MYH8: variants seen among roughly 807,000 people sequenced by gnomAD.
The protein encoded by MYH8 is myosin heavy chain 8.
Under a neutral mutation model 233.2 loss-of-function variants are expected in MYH8, and 168 were observed. That is an observed-to-expected ratio of 0.72 (90% CI 0.64 to 0.82). MYH8 has a LOEUF of 0.82. Ranked by LOEUF, MYH8 falls within the 40% of genes least tolerant of loss-of-function variation. The pLI is 0.00. For missense variants in MYH8, 1,995 were observed against 2,327.8 expected, an observed-to-expected ratio of 0.86 and a Z score of 2.94; for synonymous variants, 785 against 850.6, an observed-to-expected ratio of 0.92 and a Z score of 1.34.
At position 10,400,887 on chromosome 17, in the gene MYH8, C is replaced by T; in HGVS notation, c.3327G>A (p.Lys1109=). ...GACTCACCTGCAACTCTTTGATCTT[C>T]TTCTGTAGTTGAATTTCTACAGCTT... The part of the protein sequence containing the change: ...DEQAVEIQLQ[K]KIKELQARIE... The change falls in exon 26 of 40, where the codon AAG becomes AAA. Residue 1109 remains lysine (K), a synonymous_variant. Coordinates refer to ENST00000403437, the MANE Select transcript of MYH8 (RefSeq NM_002472.3). The surrounding 1 kb of genome is among the most constrained non-coding windows in gnomAD (Gnocchi z 4.0). 6.2e-7 allele frequency: 1 copy of T among 1,613,882 alleles called. No homozygotes were observed. The highest frequency in any genetic ancestry group is 8.5e-7 in the Non-Finnish European group (1 of 1,180,034).
Position 10,409,261 on chromosome 17 carries a change from TA to T in MYH8, c.1897+17del. On this transcript the variant is annotated intron_variant, in intron 16 of 39. Transcript: ENST00000403437. ...ATGTGAGAATGGATTTAATTTAGAT[TA>T]AGGACACAGAAAGTACCTGCTTCAG... The T allele has an allele frequency of 1.2e-6, 2 of 1,614,050 alleles. No homozygotes were observed. The highest frequency in any genetic ancestry group is 1.7e-6 in the Non-Finnish European group (2 of 1,179,866).
chr17:10,406,365 T>C lies in MYH8; in HGVS notation c.2204A>G (p.Glu735Gly), dbSNP rs1438643927. The change falls in exon 20 of 40, where the codon GAG (glutamate) becomes GGG (glycine). Residue 735 changes from glutamate to glycine, a missense_variant. Coordinates refer to ENST00000403437, the MANE Select transcript of MYH8 (RefSeq NM_002472.3). ...YKVLNASAIP[E>G]GQFIDSKKAS... Reference sequence around the variant, plus strand: ...CTTCTTGCTGTCAATGAACTGTCCCTCTGGAATAGCACTTGCATTTAAAAC... The same window carrying C: ...CTTCTTGCTGTCAATGAACTGTCCCCCTGGAATAGCACTTGCATTTAAAAC... 6.2e-7 allele frequency: 1 copy of C among 1,614,030 alleles called. No individual in the cohort carries two copies. Among genetic ancestry groups the C allele is most frequent in the South Asian group, 1.1e-5 (1 of 91,072 alleles).
In MYH8 at chr17:10,396,214, T is replaced by A; in HGVS notation, c.4653+116A>T. On this transcript the variant is annotated intron_variant, in intron 33 of 39. Transcript: ENST00000403437. This position sits in a 1 kb window ranked among gnomAD's most constrained non-coding sequence, Gnocchi z 4.2. ...TTACATTTTTAAGGATTTTGATAAC[T>A]ATTGCCAAGTTGTCCTTCATAAAGA... is the stretch of plus-strand genomic sequence containing the variant. 1 of 1,232,104 alleles carries A rather than the reference T, an allele frequency of 8.1e-7. No homozygotes were observed. Among genetic ancestry groups the A allele is most frequent in the East Asian group, 2.5e-5 (1 of 40,698 alleles). The allele number at this position is 1,232,104 out of a possible 1,614,324, so 76.3% of individuals were successfully genotyped here.
Position 10,400,327 on chromosome 17 carries a change from G to C in MYH8, c.3735+63C>G. On this transcript the variant is annotated intron_variant, in intron 27 of 39. Transcript: ENST00000403437. The surrounding 1 kb of genome is among the most constrained non-coding windows in gnomAD (Gnocchi z 4.0). The stretch of plus-strand genomic sequence containing the variant: ...GTAAAATGCCTGCAAACAATGTTTA[G>C]TGATAGAGAATAATGGGTGTTCTTA... 1.3e-6 allele frequency: 2 copies of C among 1,586,342 alleles called. No homozygotes were observed. Among genetic ancestry groups the C allele is most frequent in the South Asian group, 1.1e-5 (1 of 90,708 alleles).
In MYH8 at chr17:10,412,679, G is replaced by C. The variant is rs375333165; in HGVS notation, c.1197C>G (p.Leu399=). Residue 399 remains leucine, a synonymous_variant, in exon 13 of 40, where the codon CTC becomes CTG. Coordinates refer to ENST00000403437, the MANE Select transcript of MYH8 (RefSeq NM_002472.3). ...YLQSLNSADL[L]KALCYPRVKV... is the part of the protein sequence containing the mutation. The stretch of plus-strand genomic sequence containing the variant: ...TGACCCTAGGGTAGCAGAGGGCTTT[G>C]AGTAGGTCTGCAGAGTTCAGACTCT... 2.0e-5 allele frequency: 33 copies of C among 1,614,222 alleles called. No individual in the cohort carries two copies. Among genetic ancestry groups the C allele is most frequent in the Non-Finnish European group, 2.5e-5 (30 of 1,180,030 alleles).
intron 12 of MYH8, 119 bp from the exon 13 acceptor site, chr17:10,412,847 A>T: frequency 9.7e-7 from 1 of 1,034,472 alleles, no homozygotes; most frequent in East Asian, 2.5e-5. Context: ...AATTCTATAA[A>T]AGGCCAAATG....
Position 10,395,077 on chromosome 17 carries a change from A to C in MYH8, c.4962+56T>G. The stretch of plus-strand genomic sequence containing the variant: ...GATCGTTTAACAAGGTGTTTGGGAA[A>C]TGGAAGACAGGTACTTTCCCTGCTT... On this transcript the variant is annotated intron_variant, in intron 34 of 39. Transcript: ENST00000403437. 1.9e-6 allele frequency: 3 copies of C among 1,599,410 alleles called. No homozygotes were observed. In the Admixed American group the frequency reaches 5.0e-5, roughly 27 times the overall value.
chr17:10,390,426 G>T lies in MYH8; in HGVS notation c.*28C>A, dbSNP rs376017515. On this transcript the variant is annotated 3_prime_UTR_variant, in exon 40 of 40. Coordinates refer to ENST00000403437, the MANE Select transcript of MYH8 (RefSeq NM_002472.3). Reference sequence around the variant, plus strand: ...ATAGCACATTTTGTGCCTTTCTTCAGCCTCTTGATAGCATCAGGCAGGTGT... The same window carrying T: ...ATAGCACATTTTGTGCCTTTCTTCATCCTCTTGATAGCATCAGGCAGGTGT... The T allele has an allele frequency of 6.2e-7, 1 of 1,612,564 alleles. No homozygotes were observed. The highest frequency in any genetic ancestry group is 8.5e-7 in the Non-Finnish European group (1 of 1,179,976).
chr17:10,396,235 A>G lies in MYH8; in HGVS notation c.4653+95T>C, dbSNP rs954373649. 4.8e-6 allele frequency: 7 copies of G among 1,446,176 alleles called. No individual in the cohort carries two copies. The African/African-American group carries it at 9.8e-5, about 20-fold the overall frequency. The allele number at this position is 1,446,176 out of a possible 1,614,324, so 89.6% of individuals were successfully genotyped here. ...TAACTATTGCCAAGTTGTCCTTCAT[A>G]AAGATCCTGTGAGTTTAAATTATCA... On this transcript the variant is annotated intron_variant, in intron 33 of 39. Coordinates refer to ENST00000403437, the MANE Select transcript of MYH8 (RefSeq NM_002472.3). The surrounding 1 kb of genome is among the most constrained non-coding windows in gnomAD (Gnocchi z 4.2).
chr17:10,398,804 A>T lies in MYH8; in HGVS notation c.3945T>A (p.Ile1315=), dbSNP rs754040842. The part of the protein sequence containing the change: ...SRSKQASTQQ[I]EELKHQLEEE... ...CCTCTAGTTGATGTTTCAGCTCTTC[A>T]ATCTGCTGAGTAGATGCTTGCTTGC... Residue 1315 remains isoleucine, a synonymous_variant, in exon 29 of 40, where the codon ATT becomes ATA. Transcript: ENST00000403437. 1.9e-6 allele frequency: 3 copies of T among 1,614,100 alleles called. No individual in the cohort carries two copies. The South Asian group carries it at 3.3e-5, about 18-fold the overall frequency.
At position 10,415,234 on chromosome 17, in the gene MYH8, AAAT is replaced by A; in HGVS notation, c.741+55_742-56del. ...TGAAACACAAAGAGAGATGCAAATG[AAAT>A]AATAATTCAGACGTGGCTACTCTGG... On this transcript the variant is annotated intron_variant, in intron 8 of 39. Transcript: ENST00000403437. This position sits in a 1 kb window ranked among gnomAD's most constrained non-coding sequence, Gnocchi z 4.1. 1 of 1,603,406 alleles carries A rather than the reference AAAT, an allele frequency of 6.2e-7. No homozygotes were observed.
At position 10,390,683 on chromosome 17, in the gene MYH8, A is replaced by G. The variant is rs184641963; in HGVS notation, c.5665-80T>C. On this transcript the variant is annotated intron_variant, in intron 39 of 39. Coordinates refer to ENST00000403437, the MANE Select transcript of MYH8 (RefSeq NM_002472.3). ...ATCACCAGACAGGATTAGTTCCTCA[A>G]ATCAGGTATTTCCTTCTTATGGTCT... 2.7e-5 allele frequency: 41 copies of G among 1,500,842 alleles called. No homozygotes were observed. The African/African-American group carries it at 4.5e-4, about 17-fold the overall frequency. The allele number at this position is 1,500,842 out of a possible 1,614,324, so 93.0% of individuals were successfully genotyped here. A position where few individuals can be genotyped will look rare whatever the true frequency, so the allele number is the denominator to read the frequency against.
chr17:10,395,156 T>G lies in MYH8; in HGVS notation c.4939A>C (p.Arg1647=). ...RLAAESLRNY[R]NTQGILKETQ... is the part of the protein sequence containing the mutation. ...ACCTTCAGGATTCCTTGGGTGTTCC[T>G]GTAGTTCCTTAAACTCTCTGCAGCT... Residue 1647 remains arginine, a synonymous_variant, in exon 34 of 40, where the codon AGG becomes CGG. Coordinates refer to ENST00000403437, the MANE Select transcript of MYH8 (RefSeq NM_002472.3). 6.2e-7 allele frequency: 1 copy of G among 1,613,714 alleles called. No individual in the cohort carries two copies. The highest frequency in any genetic ancestry group is 8.5e-7 in the Non-Finnish European group (1 of 1,180,016).
rs544145292 is a variant in MYH8, at chr17:10,395,186, G to T, written c.4909C>A (p.Arg1637Ser). 6.8e-6 allele frequency: 11 copies of T among 1,613,984 alleles called. No homozygotes were observed. The highest frequency in any genetic ancestry group is 9.3e-6 in the Non-Finnish European group (11 of 1,180,036). The change falls in exon 34 of 40, where the codon CGC becomes AGC. Residue 1637 changes from arginine (R) to serine (S), a missense_variant. Coordinates refer to ENST00000403437, the MANE Select transcript of MYH8 (RefSeq NM_002472.3). ...TTCCTTAAACTCTCTGCAGCTAAGC[G>T]ATTGGCATGGTTCAGCTGGATTTCC... ...EMEIQLNHAN[R>S]LAAESLRNYR...
chr17:10,410,362 C>G (rs369077952), intron 15 of MYH8, among the ~76,000 whole-genome samples: 5 of 152,160 alleles, frequency 3.3e-5, no homozygotes, highest in Non-Finnish European at 7.3e-5. Flanking sequence ...AGTTTGACTT[C>G]TTGACTTTGA....
At position 10,415,252 on chromosome 17, in the gene MYH8, G is replaced by C; in HGVS notation, c.741+40C>G. On this transcript the variant is annotated intron_variant, in intron 8 of 39. Coordinates refer to ENST00000403437, the MANE Select transcript of MYH8 (RefSeq NM_002472.3). This position sits in a 1 kb window ranked among gnomAD's most constrained non-coding sequence, Gnocchi z 4.1. ...GCAAATGAAATAATAATTCAGACGT[G>C]GCTACTCTGGAAGTTAGGGGTTGAG... The C allele has an allele frequency of 6.2e-7, 1 of 1,603,374 alleles. No individual in the cohort carries two copies. The highest frequency in any genetic ancestry group is 1.3e-5 in the African/African-American group (1 of 74,762).
At chr17:10,404,682 C>A in intron 21 of MYH8, 97 bp from the exon 22 acceptor site, 2 of 1,414,380 alleles carry the variant, frequency 1.4e-6, no homozygotes, top group Non-Finnish European at 2.0e-6. Context: ...GAATGCCGCT[C>A]ACAAATAAAT....
intron 19 of MYH8, 27 bp from the exon 20 acceptor site, chr17:10,406,424 G>A (rs778602329): frequency 3.7e-6 from 6 of 1,613,494 alleles, no homozygotes; most frequent in African/African-American, 2.7e-5. Flanking sequence ...AGAAAGAATG[G>A]TTAGGAAAAT....
At chr17:10,404,201 G>T in intron 22 of MYH8, 129 bp downstream of exon 22, 1 of 1,124,804 alleles carries the variant, frequency 8.9e-7, no homozygotes, top group Non-Finnish European at 1.3e-6. Flanking sequence ...AATACTAAAA[G>T]ATAAATGAGG....
Sources: gnomAD v4.1 joint callset for allele counts (sites outside exome capture counted in the v4.1 genomes callset) on GRCh38, gnomAD v4.1.1 for gene constraint, Gnocchi (gnomAD v3.1) non-coding constraint, MANE v1.5 for transcripts, NCBI Gene and HGNC (gene_info 2026-07-23, HGNC 2026-07-21) for gene names.